Variants in SYCP2L observed in about 807,000 individuals in gnomAD.
The protein encoded by SYCP2L is synaptonemal complex protein 2-like.
A neutral mutation model predicts 125.8 loss-of-function variants in SYCP2L; 98 were observed. The observed-to-expected ratio is 0.78, with a 90% confidence interval of 0.66 to 0.92. The LOEUF is 0.92. Among genes scored for constraint, SYCP2L ranks in the 40% least tolerant of loss-of-function variants. The pLI is 0.00. For missense variants in SYCP2L, 842 were observed against 936.4 expected (o/e 0.90, Z 1.32); for synonymous variants, 317 against 325.4 (o/e 0.97, Z 0.28).
chr6:10,901,344 T>G (rs2113299446), intron 6 of SYCP2L, among the ~76,000 whole-genome samples: 1 of 152,326 alleles, frequency 6.6e-6, no homozygotes, highest in East Asian at 1.9e-4. Context: ...TTCTGGCTTT[T>G]ATACAATATT....
At position 10,956,181 on chromosome 6, in the gene SYCP2L, A is replaced by T. The variant is rs138759710; in HGVS notation, c.2102A>T (p.Asn701Ile). 52 of 1,613,892 alleles carry T rather than the reference A, an allele frequency of 3.2e-5. 1 individual carries two copies. The Admixed American group carries it at 8.7e-4, about 27-fold the overall frequency. The change falls in exon 25 of 30, where the codon AAC (asparagine) becomes ATC (isoleucine). Residue 701 changes from asparagine (N) to isoleucine (I), a missense_variant. Asn to Ile is a moderately radical substitution (Grantham distance 149, BLOSUM62 -3). Coordinates refer to ENST00000283141, the MANE Select transcript of SYCP2L (RefSeq NM_001040274.3). ...CTAGAAGTTGTGCCAGAGAACTTGA[A>T]CGGTTCTGCCATTCTCCCAACCTTT... ...SSLEVVPENL[N>I]GSAILPTFEN...
rs1393869382 is a variant in SYCP2L at position 10,895,881 on chromosome 6, G to A, written c.336+1677G>A. 2.6e-5 allele frequency among the ~76,000 whole-genome samples: 4 copies of A among 152,236 alleles called. No individual in the cohort carries two copies. The East Asian group carries it at 5.8e-4, about 22-fold the overall frequency. The stretch of plus-strand genomic sequence containing the variant: ...TACATAGAATAAGAATTCCTGGCAC[G>A]GCGGCTCACGCCTGTAATCCCAGCA... On this transcript the variant is annotated intron_variant, in intron 4 of 29. Transcript: ENST00000283141.
chr6:10,973,190 T>A lies in SYCP2L; in HGVS notation c.*38-762T>A, dbSNP rs1781804267. ...GTTTGGGTGGGATGGGAGAATCTGT[T>A]CCCTCAGTTGATATCAGCTCCTACC... On this transcript the variant is annotated intron_variant, in intron 29 of 29. Transcript: ENST00000283141. Among the ~76,000 whole-genome samples, 2 of 152,216 alleles carry A rather than the reference T, an allele frequency of 1.3e-5. 1 individual carries two copies. The highest frequency in any genetic ancestry group is 1.3e-4 in the Admixed American group (2 of 15,274).
intron 14 of SYCP2L, among the ~76,000 whole-genome samples, chr6:10,916,100 A>T (rs1363024357): frequency 6.6e-6 from 1 of 152,058 alleles, no homozygotes; most frequent in Admixed American, 6.6e-5. Context: ...TTTCTAGTTT[A>T]TGTGTGTAAT....
chr6:10,965,415 G>A (rs951196417), intron 29 of SYCP2L, among the ~76,000 whole-genome samples: 2 of 152,200 alleles, frequency 1.3e-5, no homozygotes, highest in Non-Finnish European at 2.9e-5. Context: ...AGGGTGGGAA[G>A]AATATGTGGG....
At chr6:10,887,359 A>G (rs1780091960) in intron 1 of SYCP2L, among the ~76,000 whole-genome samples, 1 of 152,240 alleles carries the variant, frequency 6.6e-6, no homozygotes, top group African/African-American at 2.4e-5. Context: ...AATAGCGCTC[A>G]GGGAAAGGGG....
chr6:10,966,891 CCTTAAAAAG>C (rs1781689602), intron 29 of SYCP2L, among the ~76,000 whole-genome samples: 1 of 151,754 alleles, frequency 6.6e-6, no homozygotes, highest in Non-Finnish European at 1.5e-5. Context: ...TTCATAGAGG[CCTTAAAAAG>C]CATAAGAATA....
At chr6:10,960,089 A>C (rs1392550838) in intron 26 of SYCP2L, among the ~76,000 whole-genome samples, 2 of 152,100 alleles carry the variant, frequency 1.3e-5, no homozygotes, top group Non-Finnish European at 2.9e-5. Context: ...TTCCTGAGTG[A>C]GGTTTTAGAA....
chr6:10,926,644 T>G (rs994255402), intron 16 of SYCP2L, among the ~76,000 whole-genome samples: 2 of 152,002 alleles, frequency 1.3e-5, no homozygotes, highest in African/African-American at 4.8e-5. Flanking sequence ...AAAGAAGAAA[T>G]GATGGGGTTT....
At chr6:10,949,807 C>A (rs1781378940) in intron 23 of SYCP2L, among the ~76,000 whole-genome samples, 1 of 133,616 alleles carries the variant, frequency 7.5e-6, no homozygotes, top group Non-Finnish European at 1.5e-5. Context: ...GAGCTTATAT[C>A]TGGATTAAAA....
chr6:10,897,407 T>A lies in SYCP2L; in HGVS notation c.337-604T>A, dbSNP rs572712782. ...CACCTGTGCTGGGGAGGCTCACTTA[T>A]CTCTTTTTTTTTTTTTTTTGGAGGT... On this transcript the variant is annotated intron_variant, in intron 4 of 29. Transcript: ENST00000283141. Among the ~76,000 whole-genome samples, 213 of 112,812 alleles carry A rather than the reference T, an allele frequency of 1.9e-3. 4 individuals are homozygous for A. In the South Asian group the frequency reaches 0.045, roughly 24 times the overall value. 74.0% of individuals were successfully genotyped at this position (112,812 alleles called of 152,430 possible).
At chr6:10,915,609 G>C (rs932301160) in intron 14 of SYCP2L, among the ~76,000 whole-genome samples, 2 of 152,122 alleles carry the variant, frequency 1.3e-5, no homozygotes, top group Non-Finnish European at 2.9e-5. Flanking sequence ...TTCTGTTTTT[G>C]TGGTGTATCA....
At chr6:10,902,636 C>G (rs1312804841) in intron 6 of SYCP2L, 41 bp from the exon 7 acceptor site, 1 of 1,566,548 alleles carries the variant, frequency 6.4e-7, no homozygotes, top group South Asian at 1.1e-5. Context: ...TTTTCTTACT[C>G]TTCCAAACAT....
rs148614809 is a variant in SYCP2L, at chr6:10,970,520, T to A, written c.*38-3432T>A. ...GGATGATATGGGCAGTAGAGAAGGA[T>A]CTGGAAGGATTGCTGATGGCTTGGA... On this transcript the variant is annotated intron_variant, in intron 29 of 29. Coordinates refer to ENST00000283141, the MANE Select transcript of SYCP2L (RefSeq NM_001040274.3). Among the ~76,000 whole-genome samples the A allele has an allele frequency of 3.3e-5, 5 of 152,182 alleles. No individual in the cohort carries two copies. In the East Asian group the frequency reaches 9.6e-4, roughly 29 times the overall value.
chr6:10,923,683 CTT>C (rs372980518), intron 14 of SYCP2L, among the ~76,000 whole-genome samples: 19 of 122,364 alleles, frequency 1.6e-4, no homozygotes, highest in South Asian at 8.2e-4. Flanking sequence ...TTTTCTTTTT[CTT>C]TTTTTTTTTT....
chr6:10,889,836 T>C lies in SYCP2L; in HGVS notation c.10-1677T>C, dbSNP rs1040801978. ...GGTTTTGTCATGTTGGCCAGGCTGG[T>C]CTCCAACTCCTGACCTCAGGTGATC... On this transcript the variant is annotated intron_variant, in intron 1 of 29. Coordinates refer to ENST00000283141, the MANE Select transcript of SYCP2L (RefSeq NM_001040274.3). Among the ~76,000 whole-genome samples the C allele has an allele frequency of 2.6e-5, 4 of 152,038 alleles. No individual in the cohort carries two copies. In the East Asian group the frequency reaches 7.7e-4, roughly 29 times the overall value.
intron 8 of SYCP2L, among the ~76,000 whole-genome samples, chr6:10,905,056 C>T (rs1332621394): frequency 1.4e-5 from 2 of 144,770 alleles, no homozygotes; most frequent in East Asian, 4.4e-4. Context: ...AGGAGAATTG[C>T]TTGACCCTGG....
intron 23 of SYCP2L, among the ~76,000 whole-genome samples, chr6:10,952,685 T>C (rs1054397722): frequency 6.6e-6 from 1 of 152,160 alleles, no homozygotes; most frequent in African/African-American, 2.4e-5. Context: ...GAATCCTTTT[T>C]AAGTGGTTTC....
At chr6:10,901,807 C>T (rs952807562) in intron 6 of SYCP2L, among the ~76,000 whole-genome samples, 4 of 152,234 alleles carry the variant, frequency 2.6e-5, no homozygotes, top group East Asian at 1.9e-4. Context: ...CTTACTGGCT[C>T]AAGGGACTGA....
Sources: gnomAD v4.1 joint callset for allele counts (sites outside exome capture counted in the v4.1 genomes callset) on GRCh38, gnomAD v4.1.1 for gene constraint, MANE v1.5 for transcripts, NCBI Gene and HGNC (gene_info 2026-07-23, HGNC 2026-07-21) for gene names.